The following SLC20A2 variants were observed in gnomAD, a reference collection of about 807,000 sequenced individuals.
SLC20A2 encodes solute carrier family 20 member 2, also known as sodium-dependent phosphate transporter 2.
Under a neutral mutation model 61.0 loss-of-function variants are expected in SLC20A2, and 30 were observed. The ratio of observed to expected loss-of-function variants is 0.49; its 90% CI spans 0.37 to 0.67. The LOEUF is 0.67. SLC20A2 is among the 30% of genes least tolerant of loss of function. SLC20A2 has a pLI of 0.00. For missense variants in SLC20A2, 626 were observed against 866.4 expected, an observed-to-expected ratio of 0.72 and a Z score of 3.48; for synonymous variants, 351 against 353.3, an observed-to-expected ratio of 0.99 and a Z score of 0.07.
intron 1 of SLC20A2, among the ~76,000 whole-genome samples, chr8:42,496,923 C>T (rs538771479): frequency 6.6e-5 from 10 of 152,338 alleles, no homozygotes; most frequent in East Asian, 5.8e-4. Context: ...ATGGGCTACA[C>T]GCTACCTCTG....
chr8:42,427,930 T>C (rs1585994794), intron 10 of SLC20A2, among the ~76,000 whole-genome samples: 1 of 152,330 alleles, frequency 6.6e-6, no homozygotes, highest in South Asian at 2.1e-4. Flanking sequence ...TACAAATGAA[T>C]GAACCTAGGA....
intron 1 of SLC20A2, among the ~76,000 whole-genome samples, chr8:42,485,431 C>G (rs2131289886): frequency 6.7e-6 from 1 of 150,252 alleles, no homozygotes; most frequent in Admixed American, 6.6e-5. Flanking sequence ...CGCCTGAGGT[C>G]AGGAGTTCGA....
At chr8:42,511,053 A>G (rs1217207893) in intron 1 of SLC20A2, among the ~76,000 whole-genome samples, 1 of 152,102 alleles carries the variant, frequency 6.6e-6, no homozygotes, top group African/African-American at 2.4e-5. Context: ...GTAGACAGGG[A>G]ACTTGCAGGG....
At chr8:42,459,837 T>C in intron 5 of SLC20A2, 59 bp downstream of exon 5, 1 of 1,113,262 alleles carries the variant, frequency 9.0e-7, no homozygotes, top group Non-Finnish European at 1.4e-6. Flanking sequence ...CCAAATAAAC[T>C]GATACTGTTA....
chr8:42,454,850 G>A (rs186838540), intron 5 of SLC20A2, among the ~76,000 whole-genome samples: 323 of 152,132 alleles, frequency 2.1e-3, no homozygotes, highest in Middle Eastern at 0.01. Context: ...GATGACAGGT[G>A]TTAACCACCA....
At chr8:42,494,758 A>G (rs1809790077) in intron 1 of SLC20A2, among the ~76,000 whole-genome samples, 1 of 152,198 alleles carries the variant, frequency 6.6e-6, no homozygotes, top group East Asian at 1.9e-4. Flanking sequence ...GTCTAATAAT[A>G]AGTAAAATTT....
At chr8:42,526,672 CAA>C (rs35859760) in intron 1 of SLC20A2, among the ~76,000 whole-genome samples, 3 of 133,462 alleles carry the variant, frequency 2.2e-5, no homozygotes, top group African/African-American at 2.8e-5. Flanking sequence ...GACTCTGTCT[CAA>C]AAAAAAAAAA....
At chr8:42,518,303 T>A (rs1394088532) in intron 1 of SLC20A2, among the ~76,000 whole-genome samples, 1 of 152,194 alleles carries the variant, frequency 6.6e-6, no homozygotes, top group African/African-American at 2.4e-5. Context: ...AGGGAAATGG[T>A]TGACTATATT....
At chr8:42,427,665 G>C (rs544027158) in intron 10 of SLC20A2, among the ~76,000 whole-genome samples, 2 of 152,302 alleles carry the variant, frequency 1.3e-5, no homozygotes, top group South Asian at 2.1e-4. Context: ...TTCTTCATGC[G>C]TGGAGCCCCA....
chr8:42,427,469 C>G (rs961315295), intron 10 of SLC20A2, among the ~76,000 whole-genome samples: 1 of 152,184 alleles, frequency 6.6e-6, no homozygotes, highest in African/African-American at 2.4e-5. Flanking sequence ...AGTGACAGTT[C>G]CGCCCCCACA....
At chr8:42,439,331 A>G in intron 7 of SLC20A2, 119 bp downstream of exon 7, 1 of 925,678 alleles carries the variant, frequency 1.1e-6, no homozygotes, top group Non-Finnish European at 1.6e-6. Flanking sequence ...CTCAAATTAT[A>G]AAACTGGGGG....
At chr8:42,503,441 C>T (rs932896217), upstream of SLC20A2, among the ~76,000 whole-genome samples, 7 of 152,242 alleles carry the variant, frequency 4.6e-5, no homozygotes, top group African/African-American at 1.7e-4. Context: ...TGAATGTCCA[C>T]TAATGAATGA....
At chr8:42,471,450 G>A (rs973366304) in intron 2 of SLC20A2, among the ~76,000 whole-genome samples, 2 of 152,124 alleles carry the variant, frequency 1.3e-5, no homozygotes, top group Non-Finnish European at 1.5e-5. Flanking sequence ...CAGGCAACAC[G>A]CACATTATTT....
intron 10 of SLC20A2, among the ~76,000 whole-genome samples, chr8:42,424,418 C>T (rs1803256070): frequency 1.3e-5 from 2 of 152,218 alleles, no homozygotes; most frequent in East Asian, 1.9e-4. Flanking sequence ...CGGGTTCAAG[C>T]GATTCTCCGG....
At chr8:42,487,172 CTTTCTT>C (rs1294033594) in intron 1 of SLC20A2, among the ~76,000 whole-genome samples, 113 of 105,412 alleles carry the variant, frequency 1.1e-3, no homozygotes, top group African/African-American at 4.4e-3. Context: ...GCCATGGTTT[CTTTCTT>C]TTTTTTTTTT....
At chr8:42,474,966 G>A (rs1433500875) in intron 1 of SLC20A2, among the ~76,000 whole-genome samples, 1 of 152,086 alleles carries the variant, frequency 6.6e-6, no homozygotes, top group Non-Finnish European at 1.5e-5. Context: ...TGGTTCTCAT[G>A]GTGGGAAGGA....
chr8:42,428,224 C>T (rs1457698383), intron 10 of SLC20A2, among the ~76,000 whole-genome samples: 1 of 152,212 alleles, frequency 6.6e-6, no homozygotes, highest in Non-Finnish European at 1.5e-5. Context: ...TGTCCAGCTG[C>T]AGGTTTCAGA....
At chr8:42,463,762 G>A (rs1806891812) in intron 3 of SLC20A2, among the ~76,000 whole-genome samples, 1 of 152,154 alleles carries the variant, frequency 6.6e-6, no homozygotes, top group South Asian at 2.1e-4. Flanking sequence ...AGAAGCCTGG[G>A]ATGGAAGGTG....
intron 10 of SLC20A2, among the ~76,000 whole-genome samples, chr8:42,425,484 A>C (rs1165687335): frequency 6.6e-6 from 1 of 152,172 alleles, no homozygotes; most frequent in Non-Finnish European, 1.5e-5. Context: ...CAGCACTTCT[A>C]TTATTTGGAC....
Sources: allele counts gnomAD v4.1 joint callset (sites outside exome capture counted in the v4.1 genomes callset), GRCh38; gene constraint gnomAD v4.1.1; transcripts MANE v1.5; gene names NCBI Gene and HGNC (gene_info 2026-07-23, HGNC 2026-07-21).